Variants in KCNH6 observed in about 807,000 individuals in gnomAD.
The protein encoded by KCNH6 is voltage-gated inwardly rectifying potassium channel KCNH6.
In KCNH6, 81 loss-of-function variants were observed where a neutral mutation model predicts 83.4. That is an observed-to-expected ratio of 0.97 (90% confidence interval 0.81 to 1.17). KCNH6 has a LOEUF of 1.17. Ranked by LOEUF, KCNH6 falls within the 50% of genes most tolerant of loss-of-function variation. The pLI is 0.00. For missense variants in KCNH6, 1,203 were observed against 1,290.5 expected, an observed-to-expected ratio of 0.93 and a Z score of 1.04; for synonymous variants, 503 against 545.6, an observed-to-expected ratio of 0.92 and a Z score of 1.09.
intron 9 of KCNH6, among the ~76,000 whole-genome samples, chr17:63,542,904 C>T (rs962526636): frequency 2.0e-5 from 3 of 152,206 alleles, no homozygotes; most frequent in Admixed American, 6.5e-5. Context: ...TGTCTCTTCT[C>T]ATGCTCATCC....
chr17:63,524,272 A>T lies in KCNH6; in HGVS notation c.210A>T (p.Thr70=). 6.2e-7 allele frequency: 1 copy of T among 1,614,070 alleles called. No homozygotes were observed. The highest frequency in any genetic ancestry group is 8.5e-7 in the Non-Finnish European group (1 of 1,180,034). Residue 70 remains threonine, a synonymous_variant, in exon 2 of 13, where the codon ACA becomes ACT. Coordinates refer to ENST00000314672, the MANE Select transcript of KCNH6 (RefSeq NM_001278919.2). Reference sequence around the variant, plus strand: ...AACCCTGCACCTGCGACTTCCTCACAGGCCCCAACACACCAAGCAGCGCCG... The same window carrying T: ...AACCCTGCACCTGCGACTTCCTCACTGGCCCCAACACACCAAGCAGCGCCG... The part of the protein sequence containing the change: ...MQQPCTCDFL[T]GPNTPSSAVS...
At chr17:63,536,311 C>T in intron 6 of KCNH6, 1 of 537,942 alleles carries the variant, frequency 1.9e-6, no homozygotes, top group Non-Finnish European at 3.3e-6. Context: ...TTGCAGAGCC[C>T]AGAGCAAAAT....
At chr17:63,544,700 G>A (rs948900607) in intron 11 of KCNH6, among the ~76,000 whole-genome samples, 18 of 152,126 alleles carry the variant, frequency 1.2e-4, no homozygotes, top group African/African-American at 4.3e-4. Context: ...GTGGCAGAGC[G>A]AGGGCTTAGA....
Position 63,530,366 on chromosome 17 carries a change from G to C in KCNH6, c.499G>C (p.Gly167Arg), listed in dbSNP as rs750883087. 3 of 1,614,048 alleles carry C rather than the reference G, an allele frequency of 1.9e-6. No homozygotes were observed. Among genetic ancestry groups the C allele is most frequent in the Non-Finnish European group, 1.7e-6 (2 of 1,180,004 alleles). ...CTCTCATGGCAGGCCAGGCGGACCA[G>C]GGCCAGGCACAGGCAGGGGCAAGTA... ...EGSHGRPGGP[G>R]PGTGRGKYRT... The change falls in exon 4 of 13, where the codon GGG becomes CGG. Residue 167 changes from glycine to arginine, a missense_variant. By Grantham distance (125) the Gly-to-Arg change is moderately radical. Coordinates refer to ENST00000314672, the MANE Select transcript of KCNH6 (RefSeq NM_001278919.2).
Position 63,530,215 on chromosome 17 carries a change from G to T in KCNH6, c.432G>T (p.Leu144Phe), listed in dbSNP as rs778925073. ...TGGCCAAGTGCAGCAGCCGCAGCTT[G>T]TCCCAGCGCCTGTTGTCCCAGAGCT... ...QLLAKCSSRS[L>F]SQRLLSQSFL... The change falls in exon 3 of 13, where the codon TTG becomes TTT. Residue 144 changes from leucine to phenylalanine, a missense_variant. Physicochemically the swap from Leu to Phe is conservative, Grantham distance 22. Transcript: ENST00000314672. 2.5e-6 allele frequency: 4 copies of T among 1,614,044 alleles called. No individual in the cohort carries two copies. The highest frequency in any genetic ancestry group is 3.4e-6 in the Non-Finnish European group (4 of 1,180,008).
At chr17:63,532,101 T>C (rs1289090091) in intron 4 of KCNH6, among the ~76,000 whole-genome samples, 1 of 152,186 alleles carries the variant, frequency 6.6e-6, no homozygotes, top group Non-Finnish European at 1.5e-5. Flanking sequence ...GAGCTGGCTT[T>C]GGAGGCAGTG....
chr17:63,540,134 C>G (rs1172421406), intron 8 of KCNH6, among the ~76,000 whole-genome samples: 2 of 152,178 alleles, frequency 1.3e-5, no homozygotes, highest in African/African-American at 4.8e-5. Flanking sequence ...TCCCAGCCTA[C>G]CTTAGACGTG....
rs140145269 is a variant in KCNH6 at position 63,535,995 on chromosome 17, C to A, written c.1428C>A (p.Ser476Arg). Residue 476 changes from serine (S) to arginine (R), a missense_variant, in exon 6 of 13, where the codon AGC becomes AGA. By Grantham distance (110) the Ser-to-Arg change is moderately radical. Coordinates refer to ENST00000314672, the MANE Select transcript of KCNH6 (RefSeq NM_001278919.2). The surrounding 1 kb of genome is among the most constrained non-coding windows in gnomAD (Gnocchi z 4.9). The part of the protein sequence containing the change: ...ALYFTFSSLT[S>R]VGFGNVSPNT... ...ACTTCACCTTCAGCAGCCTCACCAG[C>A]GTGGGCTTCGGCAATGTCTCGCCCA... 5.0e-6 allele frequency: 8 copies of A among 1,613,756 alleles called. No individual in the cohort carries two copies. The highest frequency in any genetic ancestry group is 1.7e-5 in the Admixed American group (1 of 60,010).
intron 8 of KCNH6, among the ~76,000 whole-genome samples, chr17:63,541,671 G>C (rs1220608905): frequency 1.3e-5 from 2 of 152,184 alleles, no homozygotes; most frequent in Non-Finnish European, 2.9e-5. Flanking sequence ...TGGCAAGGCA[G>C]ATCAGGTTTT....
In KCNH6 at chr17:63,538,727, T is replaced by A. The variant is rs2032692710; in HGVS notation, c.1954+65T>A. On this transcript the variant is annotated intron_variant, in intron 8 of 12. Coordinates refer to ENST00000314672, the MANE Select transcript of KCNH6 (RefSeq NM_001278919.2). The surrounding 1 kb of genome is among the most constrained non-coding windows in gnomAD (Gnocchi z 4.0). ...GGATGGAAGAGGGCGGGATTGGAGATGCCCTGCCCAGGCCACCCTCTTCCT... is the reference window on the plus strand; with the variant it reads ...GGATGGAAGAGGGCGGGATTGGAGAAGCCCTGCCCAGGCCACCCTCTTCCT... The A allele has an allele frequency of 1.4e-6, 2 of 1,468,102 alleles. No homozygotes were observed. The highest frequency in any genetic ancestry group is 4.5e-5 in the Admixed American group (2 of 44,608). 90.9% of individuals were successfully genotyped at this position (1,468,102 alleles called of 1,614,324 possible).
At chr17:63,529,127 G>T (rs963855097) in intron 2 of KCNH6, among the ~76,000 whole-genome samples, 1 of 152,200 alleles carries the variant, frequency 6.6e-6, no homozygotes, top group Admixed American at 6.5e-5. Context: ...GAGCCACCAC[G>T]CCCGGCCAGG....
intron 2 of KCNH6, among the ~76,000 whole-genome samples, chr17:63,528,520 G>A (rs1297662725): frequency 6.6e-6 from 1 of 152,176 alleles, no homozygotes; most frequent in Non-Finnish European, 1.5e-5. Context: ...CAAGGAGTCT[G>A]GTGGAGAGTC....
In KCNH6 at chr17:63,538,572, G is replaced by C; in HGVS notation, c.1864G>C (p.Val622Leu). The C allele has an allele frequency of 3.7e-6, 6 of 1,613,008 alleles. No individual in the cohort carries two copies. The highest frequency in any genetic ancestry group is 5.1e-6 in the Non-Finnish European group (6 of 1,179,660). The change falls in exon 8 of 13, where the codon GTG becomes CTG. Residue 622 changes from valine to leucine, a missense_variant. By Grantham distance (32) the Val-to-Leu change is conservative (BLOSUM62 1). Transcript: ENST00000314672. This position sits in a 1 kb window ranked among gnomAD's most constrained non-coding sequence, Gnocchi z 4.0. The stretch of plus-strand genomic sequence containing the variant: ...CCACGCGCCGCCTGGGGACACGCTG[G>C]TGCACCTCGGCGACGTGCTCTCCAC... ...TTHAPPGDTL[V>L]HLGDVLSTLY...
chr17:63,547,715 T>A (rs921609654), downstream of KCNH6, among the ~76,000 whole-genome samples: 2 of 152,002 alleles, frequency 1.3e-5, no homozygotes, highest in Non-Finnish European at 2.9e-5. Flanking sequence ...TTTGGGAGGC[T>A]GAGGCTGGAA....
At position 63,545,829 on chromosome 17, in the gene KCNH6, G is replaced by GCT; in HGVS notation, c.2807_2808dup (p.Val937LeufsTer72). On this transcript the variant is annotated frameshift_variant, in exon 13 of 13. Transcript: ENST00000314672. LOFTEE classifies it high-confidence loss of function. ...TTCTCCTCCCTCCCTGAACACCTTG[G>GCT]CTCTGTTCCCAAGCAGCTGGACTTC... The GCT allele has an allele frequency of 6.2e-7, 1 of 1,614,110 alleles. No homozygotes were observed.
In KCNH6 at chr17:63,523,548, G is replaced by C. The variant is rs1332441879; in HGVS notation, c.76+59G>C. 8 of 1,493,606 alleles carry C rather than the reference G, an allele frequency of 5.4e-6. No individual in the cohort carries two copies. Among genetic ancestry groups the C allele is most frequent in the Non-Finnish European group, 7.3e-6 (8 of 1,091,030 alleles). 92.5% of individuals were successfully genotyped at this position (1,493,606 alleles called of 1,614,324 possible). A position where few individuals can be genotyped will look rare whatever the true frequency, so the allele number is the denominator to read the frequency against. Reference sequence around the variant, plus strand: ...CTGGAGTCCTGGTTCCGTGAAAGGGGGGGCTGGACCCCTTTACTAACTTCT... The same window carrying C: ...CTGGAGTCCTGGTTCCGTGAAAGGGCGGGCTGGACCCCTTTACTAACTTCT... On this transcript the variant is annotated intron_variant, in intron 1 of 12. Coordinates refer to ENST00000314672, the MANE Select transcript of KCNH6 (RefSeq NM_001278919.2). The surrounding 1 kb of genome is among the most constrained non-coding windows in gnomAD (Gnocchi z 4.2).
intron 6 of KCNH6, among the ~76,000 whole-genome samples, chr17:63,537,447 T>C (rs1246821371): frequency 6.6e-6 from 1 of 152,162 alleles, no homozygotes; most frequent in Non-Finnish European, 1.5e-5. Flanking sequence ...TGTGGGTTTT[T>C]TTGTTTTGAG....
downstream of KCNH6, among the ~76,000 whole-genome samples, chr17:63,548,634 A>G (rs2033192414): frequency 6.6e-6 from 1 of 152,192 alleles, no homozygotes; most frequent in African/African-American, 2.4e-5. Flanking sequence ...AAAAACTAAA[A>G]TTTTATTGGA....
At position 63,524,330 on chromosome 17, in the gene KCNH6, G is replaced by A. The variant is rs2031555053; in HGVS notation, c.268G>A (p.Glu90Lys). Residue 90 changes from glutamate to lysine, a missense_variant, in exon 2 of 13, where the codon GAG becomes AAG. Transcript: ENST00000314672. ...CCTAGCGCAGGCCCTGCTGGGGGCTGAGGAGTGCAAGGTGGACATCCTCTA... is the reference window on the plus strand; with the variant it reads ...CCTAGCGCAGGCCCTGCTGGGGGCTAAGGAGTGCAAGGTGGACATCCTCTA... ...SRLAQALLGA[E>K]ECKVDILYYR... is the part of the protein sequence containing the mutation. 6.2e-7 allele frequency: 1 copy of A among 1,613,876 alleles called. No homozygotes were observed. The highest frequency in any genetic ancestry group is 2.2e-5 in the East Asian group (1 of 44,880).
Sources: allele counts gnomAD v4.1 joint callset (sites outside exome capture counted in the v4.1 genomes callset), GRCh38; gene constraint gnomAD v4.1.1; non-coding constraint Gnocchi (gnomAD v3.1); transcripts MANE v1.5; gene names NCBI Gene and HGNC (gene_info 2026-07-23, HGNC 2026-07-21).